Variants in CACUL1 observed in about 807,000 individuals in gnomAD.
The protein encoded by CACUL1 is CDK2-associated and cullin domain-containing protein 1.
A neutral mutation model predicts 45.2 loss-of-function variants in CACUL1; 13 were observed. The ratio of observed to expected loss-of-function variants is 0.29; its 90% CI spans 0.19 to 0.46. CACUL1 has a LOEUF of 0.46. Among genes scored for constraint, CACUL1 ranks in the 20% least tolerant of loss-of-function variants. The pLI is 1.00. For missense variants in CACUL1, 421 were observed against 471.4 expected (o/e 0.89, Z 0.99); for synonymous variants, 197 against 174.2 (o/e 1.13, Z -1.03).
chr10:118,749,778 C>T (rs922618514), intron 1 of CACUL1, among the ~76,000 whole-genome samples: 15 of 152,190 alleles, frequency 9.9e-5, no homozygotes, highest in African/African-American at 3.6e-4. Flanking sequence ...CCAGGCAGAT[C>T]AGGGGCTTAT....
intron 2 of CACUL1, among the ~76,000 whole-genome samples, 164 bp downstream of exon 2, chr10:118,730,120 A>C (rs775787169): frequency 3.9e-5 from 6 of 152,208 alleles, no homozygotes; most frequent in Non-Finnish European, 7.4e-5. Context: ...TTTTGAATCA[A>C]AAAGTATAAA....
At chr10:118,736,520 G>C (rs1845742389) in intron 1 of CACUL1, among the ~76,000 whole-genome samples, 1 of 151,816 alleles carries the variant, frequency 6.6e-6, no homozygotes, top group South Asian at 2.1e-4. Flanking sequence ...AGAGTAGCTG[G>C]GACTACAGAT....
chr10:118,690,307 CAAAAAAA>C lies in CACUL1; in HGVS notation c.1025+951_1025+957del, dbSNP rs34414146. 1.8e-3 allele frequency among the ~76,000 whole-genome samples: 156 copies of C among 88,482 alleles called. 2 individuals are homozygous for C. Among genetic ancestry groups the C allele is most frequent in the African/African-American group, 3.4e-3 (71 of 20,712 alleles). The allele number at this position is 88,482 out of a possible 152,430, so 58.0% of individuals were successfully genotyped here. ...TGGGCGACAGAGCGAGACTCCGTCT[CAAAAAAA>C]AAAAAAAAAAAAAAAAAGAGTAAGG... On this transcript the variant is annotated intron_variant, in intron 7 of 8. Transcript: ENST00000369151.
chr10:118,681,602 T>C lies in CACUL1; in HGVS notation c.*4526A>G, dbSNP rs1487458356. ...TCAGAATTGTAAGCCATTAACATTT[T>C]TCTAAACAATGCAGTCCAGAGATGA... On this transcript the variant is annotated 3_prime_UTR_variant, in exon 9 of 9. Transcript: ENST00000369151. The C allele has an allele frequency of 6.6e-6, 1 of 152,206 alleles. No individual in the cohort carries two copies. Among genetic ancestry groups the C allele is most frequent in the Non-Finnish European group, 1.5e-5 (1 of 68,032 alleles). 9.4% of individuals were successfully genotyped at this position (152,206 alleles called of 1,614,324 possible).
chr10:118,737,116 C>T (rs1845747526), intron 1 of CACUL1, among the ~76,000 whole-genome samples: 1 of 145,356 alleles, frequency 6.9e-6, no homozygotes, highest in African/African-American at 2.6e-5. Flanking sequence ...TTTAACATAT[C>T]TGTTCCTTAT....
At chr10:118,726,227 G>A in intron 3 of CACUL1, 2 of 926,422 alleles carry the variant, frequency 2.2e-6, no homozygotes, top group Non-Finnish European at 3.0e-6. Flanking sequence ...ATAAAATAAA[G>A]ATTACATCAG....
At chr10:118,720,042 TCTTAGA>T (rs1564834532) in intron 3 of CACUL1, among the ~76,000 whole-genome samples, 1 of 152,130 alleles carries the variant, frequency 6.6e-6, no homozygotes, top group Non-Finnish European at 1.5e-5. Context: ...GTCAATTGAG[TCTTAGA>T]TAGAAGATAT....
rs549843934 is a variant in CACUL1, at chr10:118,696,722, T to C, written c.797-1492A>G. On this transcript the variant is annotated intron_variant, in intron 5 of 8. Coordinates refer to ENST00000369151, the MANE Select transcript of CACUL1 (RefSeq NM_153810.5). ...CCGCATGCGGCCCGCAGGCCATGGG[T>C]TGAACAAGCTTGGCATAGACAAATG... Among the ~76,000 whole-genome samples the C allele has an allele frequency of 6.2e-4, 94 of 152,374 alleles. No homozygotes were observed. In the South Asian group the frequency reaches 0.016, roughly 25 times the overall value.
chr10:118,752,393 G>A (rs1033945874), intron 1 of CACUL1, among the ~76,000 whole-genome samples: 1 of 152,012 alleles, frequency 6.6e-6, no homozygotes, highest in Non-Finnish European at 1.5e-5. Flanking sequence ...TGATTTCAGG[G>A]CACCAATTGA....
intron 4 of CACUL1, among the ~76,000 whole-genome samples, chr10:118,702,300 A>AT (rs1223359541): frequency 6.6e-6 from 1 of 152,134 alleles, no homozygotes; most frequent in East Asian, 1.9e-4. Flanking sequence ...AAAAAGCTTT[A>AT]TTGCTCACAC....
chr10:118,687,777 C>CA (rs1845222603), intron 7 of CACUL1, among the ~76,000 whole-genome samples: 1 of 152,206 alleles, frequency 6.6e-6, no homozygotes, highest in Non-Finnish European at 1.5e-5. Context: ...CCTTGCATGT[C>CA]AGCACTTTAC....
In CACUL1 at chr10:118,752,200, T is replaced by TA. The variant is rs145076721; in HGVS notation, c.367+2195dup. Among the ~76,000 whole-genome samples the TA allele has an allele frequency of 4.7e-3, 714 of 152,304 alleles. 3 individuals carry two copies. Among genetic ancestry groups the TA allele is most frequent in the Non-Finnish European group, 8.5e-3 (575 of 67,988 alleles). ...GTTAGCCAGGACCTTCCTACAATGCTAAACAGTAGTAATGACAGGAGCATC... is the reference window on the plus strand; with the variant it reads ...GTTAGCCAGGACCTTCCTACAATGCTAAAACAGTAGTAATGACAGGAGCATC... On this transcript the variant is annotated intron_variant, in intron 1 of 8. Coordinates refer to ENST00000369151, the MANE Select transcript of CACUL1 (RefSeq NM_153810.5).
intron 5 of CACUL1, among the ~76,000 whole-genome samples, chr10:118,698,414 G>T (rs1353436056): frequency 6.6e-6 from 1 of 152,166 alleles, no homozygotes; most frequent in African/African-American, 2.4e-5. Context: ...AAAGTGCTGG[G>T]ATTACAGGTG....
chr10:118,721,282 T>C (rs912972623), intron 3 of CACUL1, among the ~76,000 whole-genome samples: 3 of 152,242 alleles, frequency 2.0e-5, no homozygotes, highest in South Asian at 2.1e-4. Flanking sequence ...GCTCAGTTTA[T>C]TGGCAATCTG....
intron 1 of CACUL1, among the ~76,000 whole-genome samples, chr10:118,733,515 T>C (rs1845716237): frequency 6.6e-6 from 1 of 152,172 alleles, no homozygotes; most frequent in South Asian, 2.1e-4. Flanking sequence ...TCCAGGAAAC[T>C]TCAAGATATT....
At chr10:118,702,475 A>G (rs1845392401) in intron 4 of CACUL1, among the ~76,000 whole-genome samples, 1 of 152,192 alleles carries the variant, frequency 6.6e-6, no homozygotes, top group Admixed American at 6.5e-5. Flanking sequence ...TTTTATTATA[A>G]GAGATAATAC....
chr10:118,739,988 T>C (rs1437444258), intron 1 of CACUL1, among the ~76,000 whole-genome samples: 1 of 151,726 alleles, frequency 6.6e-6, no homozygotes. Flanking sequence ...CTACTAAAAG[T>C]ACAAAAAAAT....
Position 118,710,727 on chromosome 10 carries a change from G to A in CACUL1, c.598-3140C>T, listed in dbSNP as rs567537704. On this transcript the variant is annotated intron_variant, in intron 3 of 8. Coordinates refer to ENST00000369151, the MANE Select transcript of CACUL1 (RefSeq NM_153810.5). ...ATTTGTGTCTTATCTGTATATCTCCGGTGCTGACCACAGTGCCTAGAACAT... is the reference window on the plus strand; with the variant it reads ...ATTTGTGTCTTATCTGTATATCTCCAGTGCTGACCACAGTGCCTAGAACAT... 2.6e-3 allele frequency among the ~76,000 whole-genome samples: 401 copies of A among 152,140 alleles called. 3 individuals are homozygous for A. Among genetic ancestry groups the A allele is most frequent in the Non-Finnish European group, 8.1e-4 (55 of 67,996 alleles).
intron 7 of CACUL1, among the ~76,000 whole-genome samples, chr10:118,687,825 T>C (rs532580928): frequency 6.6e-6 from 1 of 151,038 alleles, no homozygotes; most frequent in East Asian, 1.9e-4. Flanking sequence ...TACTCAATAT[T>C]ATTTTTTTTT....
Sources: allele counts gnomAD v4.1 joint callset (sites outside exome capture counted in the v4.1 genomes callset), GRCh38; gene constraint gnomAD v4.1.1; transcripts MANE v1.5; gene names NCBI Gene and HGNC (gene_info 2026-07-23, HGNC 2026-07-21).